The following WDPCP variants were observed in gnomAD, a reference collection of about 807,000 sequenced individuals.
WDPCP encodes WD repeat containing planar cell polarity effector.
A neutral mutation model predicts 93.1 loss-of-function variants in WDPCP; 71 were observed. That is an observed-to-expected ratio of 0.76 (90% confidence interval 0.63 to 0.93). WDPCP has a LOEUF of 0.93. WDPCP is among the 40% of genes least tolerant of loss of function. The pLI is 0.00. For synonymous variants in WDPCP, 315 were observed against 315.0 expected, an observed-to-expected ratio of 1.00 and a Z score of 0.00; for missense variants, 844 against 887.4, an observed-to-expected ratio of 0.95 and a Z score of 0.62.
At chr2:63,352,153 T>C (rs1290829498) in intron 12 of WDPCP, among the ~76,000 whole-genome samples, 1 of 152,218 alleles carries the variant, frequency 6.6e-6, no homozygotes, top group Non-Finnish European at 1.5e-5. Flanking sequence ...AATTTCCTTA[T>C]AGATTCTGGG....
chr2:63,746,045 T>G (rs1000503061), intron 2 of WDPCP, among the ~76,000 whole-genome samples: 1 of 152,156 alleles, frequency 6.6e-6, no homozygotes, highest in Non-Finnish European at 1.5e-5. Context: ...TTTCTTCTTT[T>G]GTGAAATGTG....
intron 1 of WDPCP, among the ~76,000 whole-genome samples, chr2:63,521,896 T>G (rs996888853): frequency 6.6e-6 from 1 of 152,042 alleles, no homozygotes; most frequent in African/African-American, 2.4e-5. Flanking sequence ...ACTACACAAT[T>G]GCATGGAAAT....
intron 3 of WDPCP, among the ~76,000 whole-genome samples, chr2:63,646,885 T>C (rs2166496): frequency 1.3e-5 from 2 of 151,848 alleles, no homozygotes; most frequent in Admixed American, 1.3e-4. Context: ...CTTGAGGTAG[T>C]CTTCTTTGGG....
At chr2:63,457,882 T>C (rs1245110311) in intron 6 of WDPCP, among the ~76,000 whole-genome samples, 1 of 152,078 alleles carries the variant, frequency 6.6e-6, no homozygotes, top group African/African-American at 2.4e-5. Context: ...ACCCAGCACT[T>C]TGGGAGGCCA....
At chr2:63,127,121 CTTT>C (rs66754554) in intron 17 of WDPCP, among the ~76,000 whole-genome samples, 24 of 119,818 alleles carry the variant, frequency 2.0e-4, no homozygotes, top group Admixed American at 2.6e-4. Context: ...ACATATTTAA[CTTT>C]TTTTTTTTTT....
intron 1 of WDPCP, among the ~76,000 whole-genome samples, chr2:63,527,222 C>CT (rs71393312): frequency 0.22 from 30,261 of 138,492 alleles, 3,361 homozygotes; most frequent in Middle Eastern, 0.29. Flanking sequence ...GGCAGGCATG[C>CT]TTTTTTTTTT....
intron 17 of WDPCP, among the ~76,000 whole-genome samples, chr2:63,138,748 G>A (rs1297624552): frequency 5.3e-5 from 8 of 152,064 alleles, no homozygotes; most frequent in East Asian, 3.9e-4. Flanking sequence ...CACCGTGCCC[G>A]GCACATGAGT....
intron 12 of WDPCP, among the ~76,000 whole-genome samples, chr2:63,350,423 A>G (rs1689509526): frequency 1.3e-5 from 2 of 151,844 alleles, no homozygotes; most frequent in South Asian, 4.2e-4. Flanking sequence ...CATGTATCCT[A>G]GAACTTAGAG....
intron 9 of WDPCP, among the ~76,000 whole-genome samples, chr2:63,421,801 G>C (rs1426446346): frequency 6.6e-6 from 1 of 152,182 alleles, no homozygotes; most frequent in Non-Finnish European, 1.5e-5. Flanking sequence ...TGTAGTGGTA[G>C]TAATAGCATG....
chr2:63,555,735 C>A (rs764833478), intron 1 of WDPCP, among the ~76,000 whole-genome samples: 2 of 152,122 alleles, frequency 1.3e-5, no homozygotes, highest in African/African-American at 2.4e-5. Flanking sequence ...GGACCCCCAG[C>A]AAGCTGCAGC....
At chr2:63,754,430 T>G (rs1669926945) in intron 2 of WDPCP, among the ~76,000 whole-genome samples, 1 of 152,226 alleles carries the variant, frequency 6.6e-6, no homozygotes, top group Non-Finnish European at 1.5e-5. Context: ...TAATGCCTTG[T>G]AGCCAATACA....
chr2:63,821,467 A>T (rs1053263862), intron 1 of WDPCP, among the ~76,000 whole-genome samples: 6 of 152,216 alleles, frequency 3.9e-5, no homozygotes, highest in Non-Finnish European at 7.3e-5. Flanking sequence ...TGAGGAGGGT[A>T]GAGTTAGGTG....
At chr2:63,284,543 T>A (rs943823947) in intron 13 of WDPCP, among the ~76,000 whole-genome samples, 2 of 152,206 alleles carry the variant, frequency 1.3e-5, no homozygotes, top group African/African-American at 4.8e-5. Flanking sequence ...TTACTACTTT[T>A]GAGCTTTGGG....
intron 14 of WDPCP, among the ~76,000 whole-genome samples, chr2:63,208,716 G>A (rs1676524357): frequency 6.6e-6 from 1 of 152,156 alleles, no homozygotes; most frequent in African/African-American, 2.4e-5. Context: ...GTTTTCATCT[G>A]TCTGGACCAT....
At chr2:63,613,583 T>A (rs570178570) in intron 3 of WDPCP, among the ~76,000 whole-genome samples, 1 of 152,208 alleles carries the variant, frequency 6.6e-6, no homozygotes, top group Non-Finnish European at 1.5e-5. Context: ...AGATGCTAGC[T>A]GTTAGAAGCA....
At chr2:63,180,614 T>G (rs1674170132) in intron 14 of WDPCP, among the ~76,000 whole-genome samples, 1 of 152,180 alleles carries the variant, frequency 6.6e-6, no homozygotes, top group Non-Finnish European at 1.5e-5. Context: ...TTCCATCTCT[T>G]TGGTATTGTG....
chr2:63,197,766 G>A (rs1054917762), intron 14 of WDPCP, among the ~76,000 whole-genome samples: 14 of 152,008 alleles, frequency 9.2e-5, no homozygotes, highest in African/African-American at 2.7e-4. Flanking sequence ...TAATATAATG[G>A]CCTCCAGTTC....
At chr2:63,634,266 A>G (rs1186057817) in intron 3 of WDPCP, among the ~76,000 whole-genome samples, 1 of 152,224 alleles carries the variant, frequency 6.6e-6, no homozygotes, top group Admixed American at 6.5e-5. Flanking sequence ...CTATACTTAT[A>G]TCAAACAAAA....
chr2:63,298,215 G>GC (rs761215996), intron 13 of WDPCP, among the ~76,000 whole-genome samples: 13 of 152,248 alleles, frequency 8.5e-5, no homozygotes, highest in South Asian at 4.1e-4. Context: ...GGAGGGATAG[G>GC]CCCCCATGTG....
Sources: gnomAD v4.1 joint callset for allele counts (sites outside exome capture counted in the v4.1 genomes callset) on GRCh38, gnomAD v4.1.1 for gene constraint, MANE v1.5 for transcripts, NCBI Gene and HGNC (gene_info 2026-07-23, HGNC 2026-07-21) for gene names.